Variants in SNTG1 observed in about 807,000 individuals in gnomAD.
SNTG1 encodes the protein syntrophin gamma 1.
Under a neutral mutation model 74.7 loss-of-function variants are expected in SNTG1, and 39 were observed. The ratio of observed to expected loss-of-function variants is 0.52; its 90% CI spans 0.40 to 0.68. SNTG1 has a LOEUF of 0.68. SNTG1 is among the 30% of genes least tolerant of loss of function. The probability of loss-of-function intolerance (pLI) is 0.00; values close to 1 mark genes in which losing one functional copy is unlikely to be tolerated. For missense variants in SNTG1, 685 were observed against 609.5 expected (o/e 1.12, Z -1.30); for synonymous variants, 254 against 217.1 (o/e 1.17, Z -1.49).
At chr8:50,564,117 C>CT (rs2094502765) in intron 12 of SNTG1, among the ~76,000 whole-genome samples, 1 of 133,576 alleles carries the variant, frequency 7.5e-6, no homozygotes, top group African/African-American at 3.7e-5. Context: ...TGTTGCAGTC[C>CT]GTTTTTTTTT....
intron 13 of SNTG1, among the ~76,000 whole-genome samples, chr8:50,597,369 ATG>A (rs2094736393): frequency 1.7e-5 from 2 of 115,498 alleles, no homozygotes; most frequent in Admixed American, 9.4e-5. Context: ...ACACATATAC[ATG>A]TATATATACA....
Position 50,656,890 on chromosome 8 carries a change from G to A in SNTG1, c.850-19G>A. ...AAATAAGAAGTTTTGACAGTTGATT[G>A]TATTCCATTTTCTTGCAGATTGTCT... On this transcript the variant is annotated intron_variant, in intron 13 of 18. Coordinates refer to ENST00000642720, the MANE Select transcript of SNTG1 (RefSeq NM_018967.5). 6.6e-7 allele frequency: 1 copy of A among 1,519,332 alleles called. No individual in the cohort carries two copies. Among genetic ancestry groups the A allele is most frequent in the Non-Finnish European group, 9.1e-7 (1 of 1,099,634 alleles). 94.1% of individuals were successfully genotyped at this position (1,519,332 alleles called of 1,614,324 possible). A position where few individuals can be genotyped will look rare whatever the true frequency, so the allele number is the denominator to read the frequency against.
Position 50,570,225 on chromosome 8 carries a change from A to ATTTTT in SNTG1, c.810+17047_810+17051dup, listed in dbSNP as rs1207608895. Among the ~76,000 whole-genome samples, 9 of 24,352 alleles carry ATTTTT rather than the reference A, an allele frequency of 3.7e-4. 1 individual carries two copies. The highest frequency in any genetic ancestry group is 1.9e-3 in the South Asian group (2 of 1,054). The allele number at this position is 24,352 out of a possible 152,430, so 16.0% of individuals were successfully genotyped here. A position where few individuals can be genotyped will look rare whatever the true frequency, so the allele number is the denominator to read the frequency against. On this transcript the variant is annotated intron_variant, in intron 12 of 18. Transcript: ENST00000642720. ...GATTGCTGGTTCATATGGTGGTTCT[A>ATTTTT]TTTTTATTTTATTTTATTTTATTTT...
chr8:50,416,575 G>T (rs1278740781), intron 4 of SNTG1, among the ~76,000 whole-genome samples: 1 of 152,092 alleles, frequency 6.6e-6, no homozygotes, highest in South Asian at 2.1e-4. Flanking sequence ...TTGGAAATTT[G>T]AGGTGTTACT....
At chr8:50,063,731 A>G (rs1820669714) in intron 1 of SNTG1, among the ~76,000 whole-genome samples, 1 of 152,146 alleles carries the variant, frequency 6.6e-6, no homozygotes, top group South Asian at 2.1e-4. Flanking sequence ...AAAATGACTT[A>G]ATAGCTTTTT....
In SNTG1 at chr8:50,792,593, G is replaced by GA. The variant is rs144613675; in HGVS notation, c.1396-70dup. On this transcript the variant is annotated intron_variant, in intron 18 of 18. Coordinates refer to ENST00000642720, the MANE Select transcript of SNTG1 (RefSeq NM_018967.5). ...GATTCTAGATAAGTGTATTGAAATTGAAAAAAAATCTAGCTATTATAAATT... is the reference window on the plus strand; with the variant it reads ...GATTCTAGATAAGTGTATTGAAATTGAAAAAAAAATCTAGCTATTATAAATT... 4.2e-3 allele frequency: 5,823 copies of GA among 1,390,964 alleles called. 163 individuals carry two copies. The African/African-American group carries it at 0.065, about 16-fold the overall frequency. 86.2% of individuals were successfully genotyped at this position (1,390,964 alleles called of 1,614,324 possible). A position where few individuals can be genotyped will look rare whatever the true frequency, so the allele number is the denominator to read the frequency against.
chr8:50,657,062 A>G (rs1405263508), intron 14 of SNTG1, 37 bp downstream of exon 14: 1 of 1,279,196 alleles, frequency 7.8e-7, no homozygotes, highest in Non-Finnish European at 1.1e-6. Context: ...TCGTTTCCAT[A>G]TTATCACAAG....
intron 1 of SNTG1, among the ~76,000 whole-genome samples, chr8:50,070,036 C>T (rs1009492296): frequency 1.3e-5 from 2 of 151,940 alleles, no homozygotes; most frequent in Admixed American, 6.6e-5. Flanking sequence ...AAAACACCCA[C>T]GACACAGAGA....
At position 50,248,115 on chromosome 8, in the gene SNTG1, A is replaced by T. The variant is rs185381883; in HGVS notation, c.-28+75480A>T. Among the ~76,000 whole-genome samples the T allele has an allele frequency of 1.2e-3, 190 of 152,254 alleles. 2 individuals are homozygous for T. In the South Asian group the frequency reaches 0.02, roughly 16 times the overall value. ...TCTGTCATATTGAATTAGGGTCCAC[A>T]CATATGGCTTCATTTTAAGTTGATT... On this transcript the variant is annotated intron_variant, in intron 2 of 18. Transcript: ENST00000642720.
intron 17 of SNTG1, among the ~76,000 whole-genome samples, chr8:50,714,964 G>T (rs550820019): frequency 6.6e-6 from 1 of 152,154 alleles, no homozygotes; most frequent in East Asian, 1.9e-4. Context: ...AACAAAAACC[G>T]TAAAAGGTAG....
At position 50,236,742 on chromosome 8, in the gene SNTG1, G is replaced by T. The variant is rs546785054; in HGVS notation, c.-28+64107G>T. 3.4e-4 allele frequency among the ~76,000 whole-genome samples: 52 copies of T among 152,008 alleles called. 1 individual carries two copies. The East Asian group carries it at 0.01, about 29-fold the overall frequency. On this transcript the variant is annotated intron_variant, in intron 2 of 18. Coordinates refer to ENST00000642720, the MANE Select transcript of SNTG1 (RefSeq NM_018967.5). ...TGGGATTACAGGTGTGAGCCACCGC[G>T]CCCGGCCAAAAATTTTTAAAACATA...
intron 2 of SNTG1, among the ~76,000 whole-genome samples, chr8:50,201,347 G>T (rs2083979998): frequency 6.6e-6 from 1 of 151,970 alleles, no homozygotes; most frequent in African/African-American, 2.4e-5. Context: ...AACTGTTTTA[G>T]ATTTAAAGAA....
chr8:50,107,778 T>C (rs1173825766), intron 1 of SNTG1, among the ~76,000 whole-genome samples: 1 of 152,104 alleles, frequency 6.6e-6, no homozygotes, highest in African/African-American at 2.4e-5. Context: ...CTCGAACTCC[T>C]GACCTCAAGT....
chr8:50,316,575 AT>A (rs1409354004), intron 2 of SNTG1, among the ~76,000 whole-genome samples: 1 of 152,148 alleles, frequency 6.6e-6, no homozygotes, highest in Non-Finnish European at 1.5e-5. Context: ...AAATAATTTC[AT>A]TTTCTGCTGA....
intron 17 of SNTG1, among the ~76,000 whole-genome samples, chr8:50,716,676 T>G (rs2095475796): frequency 6.6e-6 from 1 of 152,120 alleles, no homozygotes; most frequent in Non-Finnish European, 1.5e-5. Flanking sequence ...AAACCCAACT[T>G]TTCATGCAAT....
At chr8:50,670,539 A>G (rs1362703573) in intron 15 of SNTG1, among the ~76,000 whole-genome samples, 1 of 150,038 alleles carries the variant, frequency 6.7e-6, no homozygotes, top group African/African-American at 2.5e-5. Flanking sequence ...AAGGAAATGA[A>G]AGAGGATACA....
chr8:50,482,205 A>AGAGG (rs1376284654), intron 8 of SNTG1, among the ~76,000 whole-genome samples: 7 of 152,204 alleles, frequency 4.6e-5, no homozygotes, highest in Admixed American at 2.0e-4. Context: ...CCACAGTGAT[A>AGAGG]GTAGATATGA....
chr8:50,661,572 T>C (rs1317129554), intron 15 of SNTG1, among the ~76,000 whole-genome samples: 1 of 152,294 alleles, frequency 6.6e-6, no homozygotes, highest in Admixed American at 6.5e-5. Context: ...CTGGGATACA[T>C]GTGCAGAACG....
chr8:50,280,679 TAA>T (rs745346984), intron 2 of SNTG1, among the ~76,000 whole-genome samples: 11 of 152,096 alleles, frequency 7.2e-5, no homozygotes, highest in Non-Finnish European at 1.3e-4. Flanking sequence ...TTGAAAGAGT[TAA>T]GTTATTATCT....
Sources: allele counts gnomAD v4.1 joint callset (sites outside exome capture counted in the v4.1 genomes callset), GRCh38; gene constraint gnomAD v4.1.1; transcripts MANE v1.5; gene names NCBI Gene and HGNC (gene_info 2026-07-23, HGNC 2026-07-21).